LCT: variants seen among roughly 807,000 people sequenced by gnomAD.
The protein encoded by LCT is lactase, also known as lactase/phlorizin hydrolase.
Under a neutral mutation model 173.0 loss-of-function variants are expected in LCT, and 90 were observed. That is an observed-to-expected ratio of 0.52 (90% confidence interval 0.44 to 0.62). The LOEUF is 0.62. Ranked by LOEUF, LCT falls within the 20% of genes least tolerant of loss-of-function variation. The pLI, the probability that LCT is intolerant of heterozygous loss-of-function variation, is 0.00. For missense variants in LCT, 1,864 were observed against 2,431.4 expected (o/e 0.77, Z 4.91); for synonymous variants, 853 against 957.6 (o/e 0.89, Z 2.02).
At position 135,804,009 on chromosome 2, in the gene LCT, G is replaced by A. The variant is rs1331377889; in HGVS notation, c.4584C>T (p.Asp1528=). The change falls in exon 11 of 17, where the codon GAC becomes GAT. Residue 1528 remains aspartate, a synonymous_variant. Transcript: ENST00000264162. ...YADVLFQRLG[D]KVKFWITLNE... ...TCAGCGTGATCCAAAACTTCACCTT[G>A]TCTCCCAGCCTCTGGAAGAGCACAT... 1 of 1,613,958 alleles carries A rather than the reference G, an allele frequency of 6.2e-7. No homozygotes were observed. The highest frequency in any genetic ancestry group is 1.3e-5 in the African/African-American group (1 of 74,924).
In LCT at chr2:135,808,538, T is replaced by A; in HGVS notation, c.3809A>T (p.Tyr1270Phe). 1 of 1,614,178 alleles carries A rather than the reference T, an allele frequency of 6.2e-7. No homozygotes were observed. Among genetic ancestry groups the A allele is most frequent in the South Asian group, 1.1e-5 (1 of 91,086 alleles). The change falls in exon 8 of 17, where the codon TAC (tyrosine) becomes TTC (phenylalanine). Residue 1270 changes from tyrosine to phenylalanine, a missense_variant. Transcript: ENST00000264162. Reference protein sequence around the residue: ...IKEEYGDIPIYITENGVGLTN... With the variant: ...IKEEYGDIPIFITENGVGLTN... ...CAGCCCCACTCCGTTTTCGGTGATGTAAATGGGGATGTCACCATACTCTTC... is the reference window on the plus strand; with the variant it reads ...CAGCCCCACTCCGTTTTCGGTGATGAAAATGGGGATGTCACCATACTCTTC...
Position 135,817,911 on chromosome 2 carries a change from C to T in LCT, c.1137G>A (p.Gln379=). 6.2e-7 allele frequency: 1 copy of T among 1,613,892 alleles called. No individual in the cohort carries two copies. The highest frequency in any genetic ancestry group is 1.3e-5 in the African/African-American group (1 of 74,990). The part of the protein sequence containing the change: ...QSRAERDAFL[Q]DTFPEGFLWG... ...AGAGGAAGCCTTCAGGGAAAGTATC[C>T]TGCAGGAAGGCATCCCTTTCCGCCC... Residue 379 remains glutamine (Q), a synonymous_variant, in exon 6 of 17, where the codon CAG becomes CAA. Coordinates refer to ENST00000264162, the MANE Select transcript of LCT (RefSeq NM_002299.4).
At chr2:135,805,715 A>G (rs1464048516) in intron 9 of LCT, among the ~76,000 whole-genome samples, 5 of 152,216 alleles carry the variant, frequency 3.3e-5, no homozygotes, top group Admixed American at 2.0e-4. Context: ...GTTTTGGTCA[A>G]TGACGGACCT....
At chr2:135,835,173 T>C (rs1324614438) in intron 1 of LCT, among the ~76,000 whole-genome samples, 1 of 151,990 alleles carries the variant, frequency 6.6e-6, no homozygotes, top group Non-Finnish European at 1.5e-5. Context: ...ATAAGGAAAA[T>C]ACCTTAAACT....
chr2:135,823,898 C>T lies in LCT; in HGVS notation c.907+3G>A, dbSNP rs2077860050. Reference sequence around the variant, plus strand: ...AAAACCTCTTCAGCAATGGCCCACTCACCTTCAAAAAGGCTGAAGAGCAGA... The same window carrying T: ...AAAACCTCTTCAGCAATGGCCCACTTACCTTCAAAAAGGCTGAAGAGCAGA... On this transcript the variant is annotated splice_donor_region_variant and intron_variant, in intron 4 of 16. Transcript: ENST00000264162. 2.5e-6 allele frequency: 4 copies of T among 1,596,736 alleles called. No homozygotes were observed. The highest frequency in any genetic ancestry group is 3.4e-6 in the Non-Finnish European group (4 of 1,164,158).
Position 135,788,445 on chromosome 2 carries a change from A to G in LCT, c.5663T>C (p.Phe1888Ser). The G allele has an allele frequency of 1.2e-6, 2 of 1,614,000 alleles. No individual in the cohort carries two copies. Among genetic ancestry groups the G allele is most frequent in the Non-Finnish European group, 1.7e-6 (2 of 1,179,928 alleles). The change falls in exon 17 of 17, where the codon TTT (phenylalanine) becomes TCT (serine). Residue 1888 changes from phenylalanine (F) to serine (S), a missense_variant. Physicochemically the swap from Phe to Ser is radical, Grantham distance 155. Transcript: ENST00000264162. ...TEAQTALYVL[F>S]SLVLLGVCGL... ...ACAGACTCCAAGAAGCACAAGAGAAAAGAGAACGTACAAAGCTGTCTGTGC... is the reference window on the plus strand; with the variant it reads ...ACAGACTCCAAGAAGCACAAGAGAAGAGAGAACGTACAAAGCTGTCTGTGC...
intron 13 of LCT, among the ~76,000 whole-genome samples, chr2:135,797,446 C>A (rs1270919094): frequency 1.3e-5 from 2 of 152,210 alleles, no homozygotes; most frequent in Non-Finnish European, 2.9e-5. Flanking sequence ...AAGCCCCCAG[C>A]ATGCGCCCTG....
chr2:135,803,964 A>G lies in LCT; in HGVS notation c.4629T>C (p.Ala1543=). The G allele has an allele frequency of 6.2e-7, 1 of 1,614,176 alleles. No individual in the cohort carries two copies. Among genetic ancestry groups the G allele is most frequent in the Non-Finnish European group, 8.5e-7 (1 of 1,180,028 alleles). Residue 1543 remains alanine, a synonymous_variant, in exon 11 of 17, where the codon GCT becomes GCC. Coordinates refer to ENST00000264162, the MANE Select transcript of LCT (RefSeq NM_002299.4). ...WITLNEPFVI[A]YQGYGYGTAA... ...CTGTTCCGTAGCCATAGCCCTGGTA[A>G]GCAATGACAAAGGGCTCATTCAGCG... is the stretch of plus-strand genomic sequence containing the variant.
At chr2:135,805,106 AC>A in intron 9 of LCT, 49 bp from the exon 10 acceptor site, 1 of 1,554,858 alleles carries the variant, frequency 6.4e-7, no homozygotes, top group Non-Finnish European at 8.9e-7. Flanking sequence ...TCAAGCACTC[AC>A]AGCCTCCTTT....
intron 4 of LCT, among the ~76,000 whole-genome samples, chr2:135,823,650 CCTAA>C (rs2077856413): frequency 1.3e-5 from 2 of 152,168 alleles, no homozygotes; most frequent in African/African-American, 4.8e-5. Context: ...ACAGCTGAGG[CCTAA>C]CTATCTTTAT....
In LCT at chr2:135,804,759, C is replaced by A. The variant is rs1379835320; in HGVS notation, c.4464+8G>T. The A allele has an allele frequency of 6.2e-7, 1 of 1,612,426 alleles. No homozygotes were observed. Among genetic ancestry groups the A allele is most frequent in the Admixed American group, 1.7e-5 (1 of 60,032 alleles). ...ACTTTCCCAAGGCCTTGCCAGGACC[C>A]ACCATACCTGGGGCTGGATGCTGGC... On this transcript the variant is annotated splice_region_variant and intron_variant, in intron 10 of 16. Transcript: ENST00000264162.
chr2:135,824,783 A>T (rs1224147929), intron 3 of LCT, among the ~76,000 whole-genome samples: 1 of 152,004 alleles, frequency 6.6e-6, no homozygotes, highest in African/African-American at 2.4e-5. Context: ...CGGGCGGATC[A>T]CCTGAGGTCA....
At chr2:135,821,931 C>T in intron 5 of LCT, 89 bp downstream of exon 5, 1 of 846,062 alleles carries the variant, frequency 1.2e-6, no homozygotes. Flanking sequence ...GAGTTGATGA[C>T]AACAGTCCTA....
chr2:135,813,623 A>G (rs1218492757), intron 6 of LCT, among the ~76,000 whole-genome samples: 1 of 152,226 alleles, frequency 6.6e-6, no homozygotes, highest in Admixed American at 6.5e-5. Flanking sequence ...TAGTAACTTC[A>G]CAAGGCCAAG....
chr2:135,818,515 T>C (rs1289445876), intron 5 of LCT, among the ~76,000 whole-genome samples: 1 of 152,238 alleles, frequency 6.6e-6, no homozygotes, highest in Non-Finnish European at 1.5e-5. Context: ...CAATGATTTA[T>C]CCTCATCCTA....
At position 135,807,332 on chromosome 2, in the gene LCT, C is replaced by T. The variant is rs2077685306; in HGVS notation, c.3969G>A (p.Glu1323=). Residue 1323 remains glutamate, a synonymous_variant, in exon 9 of 17, where the codon GAG becomes GAA. Coordinates refer to ENST00000264162, the MANE Select transcript of LCT (RefSeq NM_002299.4). The part of the protein sequence containing the change: ...YVAWSLMDNF[E]WLNGYTVKFG... Reference sequence around the variant, plus strand: ...ACTTGACCGTGTAGCCATTTAGCCACTCAAAGTTGTCCATCAGAGACCAGG... The same window carrying T: ...ACTTGACCGTGTAGCCATTTAGCCATTCAAAGTTGTCCATCAGAGACCAGG... The T allele has an allele frequency of 1.9e-6, 3 of 1,614,174 alleles. No homozygotes were observed. The highest frequency in any genetic ancestry group is 2.5e-6 in the Non-Finnish European group (3 of 1,180,026).
chr2:135,824,071 GT>G (rs1212363527), intron 3 of LCT, 68 bp from the exon 4 acceptor site: 1 of 1,033,384 alleles, frequency 9.7e-7, no homozygotes, highest in Non-Finnish European at 1.5e-6. Flanking sequence ...CAGGGACAGA[GT>G]TTCAAGATGA....
rs2077713980 is a variant in LCT, at chr2:135,809,483, C to G, written c.2864G>C (p.Ser955Thr). ...CAGATCGGCATCCAGCTGGTGATAG[C>G]TGTCACAGGCGATGTCTCCAGTGGC... ...DNATGDIACDSYHQLDADLNM... is the reference protein window; with the variant it reads ...DNATGDIACDTYHQLDADLNM... The change falls in exon 8 of 17, where the codon AGC becomes ACC. Residue 955 changes from serine to threonine, a missense_variant. Physicochemically the swap from Ser to Thr is moderately conservative, Grantham distance 58. Transcript: ENST00000264162. This position sits in a 1 kb window ranked among gnomAD's most constrained non-coding sequence, Gnocchi z 5.5. The G allele has an allele frequency of 6.2e-7, 1 of 1,614,150 alleles. No homozygotes were observed. The highest frequency in any genetic ancestry group is 8.5e-7 in the Non-Finnish European group (1 of 1,180,058).
intron 2 of LCT, among the ~76,000 whole-genome samples, chr2:135,830,813 G>A (rs1264751015): frequency 2.0e-5 from 3 of 152,162 alleles, no homozygotes; most frequent in Admixed American, 6.5e-5. Context: ...ACAACACATC[G>A]TCACTGAGTT....
Sources: gnomAD v4.1 joint callset for allele counts (sites outside exome capture counted in the v4.1 genomes callset) on GRCh38, gnomAD v4.1.1 for gene constraint, Gnocchi (gnomAD v3.1) non-coding constraint, MANE v1.5 for transcripts, NCBI Gene and HGNC (gene_info 2026-07-23, HGNC 2026-07-21) for gene names.